The following CCDC7 variants were observed in gnomAD, a reference collection of about 807,000 sequenced individuals.
The protein encoded by CCDC7 is coiled-coil domain-containing protein 7.
A neutral mutation model predicts 196.9 loss-of-function variants in CCDC7; 183 were observed. The ratio of observed to expected loss-of-function variants is 0.93; its 90% CI spans 0.82 to 1.05. CCDC7 has a LOEUF of 1.05. Ranked by LOEUF, CCDC7 falls within the 50% of genes least tolerant of loss-of-function variation. The pLI is 0.00. For missense variants in CCDC7, 1,540 were observed against 1,482.2 expected (o/e 1.04, Z -0.64); for synonymous variants, 525 against 484.6 (o/e 1.08, Z -1.10).
intron 21 of CCDC7, among the ~76,000 whole-genome samples, chr10:32,671,874 C>T (rs956726052): frequency 2.6e-5 from 4 of 152,160 alleles, no homozygotes; most frequent in African/African-American, 7.2e-5. Flanking sequence ...CGAGGATCCT[C>T]AGCAGCCAAT....
chr10:32,614,240 T>G (rs1303680012), intron 18 of CCDC7, among the ~76,000 whole-genome samples: 1 of 150,834 alleles, frequency 6.6e-6, no homozygotes. Context: ...CCTGGTTTTT[T>G]TTTTCTTTTC....
At chr10:32,799,778 T>C (rs2134978364) in intron 29 of CCDC7, among the ~76,000 whole-genome samples, 1 of 152,310 alleles carries the variant, frequency 6.6e-6, no homozygotes, top group East Asian at 1.9e-4. Flanking sequence ...ACTCTCTGGA[T>C]CCAATCAGCA....
intron 15 of CCDC7, among the ~76,000 whole-genome samples, chr10:32,569,403 G>A (rs577462492): frequency 1.3e-5 from 2 of 152,152 alleles, no homozygotes; most frequent in East Asian, 3.9e-4. Flanking sequence ...CTATTCTGAA[G>A]GATGCTTTAT....
intron 24 of CCDC7, among the ~76,000 whole-genome samples, chr10:32,705,610 A>G (rs776776796): frequency 6.6e-6 from 1 of 152,146 alleles, no homozygotes; most frequent in Non-Finnish European, 1.5e-5. Flanking sequence ...CTCAAAATAA[A>G]GGGATGGAGG....
chr10:32,520,909 G>A (rs2047781026), intron 11 of CCDC7, among the ~76,000 whole-genome samples: 1 of 152,034 alleles, frequency 6.6e-6, no homozygotes, highest in Non-Finnish European at 1.5e-5. Flanking sequence ...TAAGGTGAGA[G>A]AGGGTTCAAG....
intron 9 of CCDC7, among the ~76,000 whole-genome samples, chr10:32,515,607 A>C (rs548453219): frequency 6.6e-6 from 1 of 151,990 alleles, no homozygotes; most frequent in East Asian, 1.9e-4. Flanking sequence ...GCAGTGGCAC[A>C]ATCTTGGCTC....
At chr10:32,820,002 A>G (rs1289054194) in intron 31 of CCDC7, among the ~76,000 whole-genome samples, 2 of 152,218 alleles carry the variant, frequency 1.3e-5, no homozygotes, top group East Asian at 3.8e-4. Context: ...AGGGTATTCA[A>G]TTAGGAAAAG....
intron 41 of CCDC7, among the ~76,000 whole-genome samples, chr10:32,871,268 C>G (rs2094419843): frequency 1.3e-5 from 2 of 152,100 alleles, no homozygotes; most frequent in Admixed American, 6.6e-5. Context: ...ATTATTGCCT[C>G]AATTTCAGAG....
chr10:32,848,004 G>A, intron 38 of CCDC7, 88 bp downstream of exon 39: 1 of 712,090 alleles, frequency 1.4e-6, no homozygotes. Flanking sequence ...GTACCTATAT[G>A]TTAATATTTC....
At chr10:32,677,876 G>T (rs2075275312) in intron 21 of CCDC7, among the ~76,000 whole-genome samples, 1 of 151,892 alleles carries the variant, frequency 6.6e-6, no homozygotes, top group African/African-American at 2.4e-5. Flanking sequence ...ACATCTTATA[G>T]GATTTCTTCA....
chr10:32,821,606 A>G (rs941917168), intron 31 of CCDC7, among the ~76,000 whole-genome samples: 1 of 152,232 alleles, frequency 6.6e-6, no homozygotes, highest in Admixed American at 6.5e-5. Flanking sequence ...AGTGACACAT[A>G]TACACCATGG....
chr10:32,815,056 C>CCCA (rs1166958958), intron 31 of CCDC7, among the ~76,000 whole-genome samples: 3 of 151,840 alleles, frequency 2.0e-5, no homozygotes, highest in Admixed American at 1.3e-4. Context: ...ACACAAACAC[C>CCCA]CCACCACCAA....
chr10:32,490,350 A>G (rs1193943570), intron 8 of CCDC7, among the ~76,000 whole-genome samples: 2 of 151,896 alleles, frequency 1.3e-5, no homozygotes, highest in East Asian at 3.9e-4. Context: ...TTTTTCCCCC[A>G]GGAATGTTTT....
At chr10:32,450,675 T>G (rs2032812954), upstream of CCDC7, among the ~76,000 whole-genome samples, 1 of 152,210 alleles carries the variant, frequency 6.6e-6, no homozygotes, top group Non-Finnish European at 1.5e-5. Context: ...TTATACTTCC[T>G]TATCTTAGCA....
chr10:32,832,425 C>T (rs1240560195), intron 32 of CCDC7, among the ~76,000 whole-genome samples: 2 of 151,886 alleles, frequency 1.3e-5, no homozygotes, highest in African/African-American at 4.8e-5. Context: ...ATCGCTTGAA[C>T]CCGGGAGGTG....
chr10:32,548,061 G>T lies in CCDC7; in HGVS notation c.1134+3760G>T, dbSNP rs192227058. 5.3e-5 allele frequency among the ~76,000 whole-genome samples: 8 copies of T among 152,294 alleles called. No individual in the cohort carries two copies. The East Asian group carries it at 1.5e-3, about 29-fold the overall frequency. On this transcript the variant is annotated intron_variant, in intron 13 of 41. Transcript: ENST00000639629. Reference sequence around the variant, plus strand: ...TAAATAAATATTTGGTGCCGCCAAAGAAACAGCACTCGAACATAAATTTAA... The same window carrying T: ...TAAATAAATATTTGGTGCCGCCAAATAAACAGCACTCGAACATAAATTTAA...
downstream of CCDC7, chr10:32,876,397 T>A (rs376313357): frequency 6.2e-7 from 1 of 1,608,816 alleles, no homozygotes; most frequent in African/African-American, 1.3e-5. Context: ...CTTTTGAGAA[T>A]GAAGGAAATT....
At chr10:32,623,094 T>G (rs551694275) in intron 18 of CCDC7, among the ~76,000 whole-genome samples, 61 of 152,294 alleles carry the variant, frequency 4.0e-4, no homozygotes, top group African/African-American at 1.2e-3. Context: ...ATCAGGAATG[T>G]TGATTTTGTT....
chr10:32,578,499 G>C (rs1467487901), intron 16 of CCDC7, among the ~76,000 whole-genome samples: 1 of 151,454 alleles, frequency 6.6e-6, no homozygotes, highest in African/African-American at 2.4e-5. Context: ...GTCCCATCTG[G>C]GGGTGATGGG....
Sources: allele counts gnomAD v4.1 joint callset (sites outside exome capture counted in the v4.1 genomes callset), GRCh38; gene constraint gnomAD v4.1.1; transcripts MANE v1.5; gene names NCBI Gene and HGNC (gene_info 2026-07-23, HGNC 2026-07-21).